The following CDK19 variants were observed in gnomAD, a reference collection of about 807,000 sequenced individuals.
The protein encoded by CDK19 is cyclin dependent kinase 19, also known as cyclin-dependent kinase 19.
In CDK19, 20 loss-of-function variants were observed where a neutral mutation model predicts 68.3. The ratio of observed to expected loss-of-function variants is 0.29; its 90% confidence interval spans 0.21 to 0.43. The LOEUF (loss-of-function observed/expected upper bound fraction) is 0.43, where lower values mean the gene tolerates loss of function less well. CDK19 is among the 20% of genes least tolerant of loss of function. The pLI, the probability that CDK19 is intolerant of heterozygous loss-of-function variation, is 1.00. For missense variants in CDK19, 339 were observed against 623.5 expected, an observed-to-expected ratio of 0.54 and a Z score of 4.86; for synonymous variants, 221 against 222.8, an observed-to-expected ratio of 0.99 and a Z score of 0.07.
At chr6:110,728,470 T>C (rs192281759) in intron 2 of CDK19, among the ~76,000 whole-genome samples, 3 of 152,138 alleles carry the variant, frequency 2.0e-5, no homozygotes, top group Admixed American at 2.0e-4. Context: ...TCCACTTCTG[T>C]CTATCTTCCC....
chr6:110,638,856 T>C, intron 4 of CDK19, 150 bp from the exon 5 acceptor site: 1 of 540,142 alleles, frequency 1.9e-6, no homozygotes, highest in South Asian at 2.6e-5. Context: ...AGTTAAAGCA[T>C]TTGACATAAT....
chr6:110,670,363 G>A (rs919304244), intron 3 of CDK19, 68 bp downstream of exon 3: 12 of 776,174 alleles, frequency 1.5e-5, no homozygotes, highest in Admixed American at 2.3e-5. Context: ...TTAACAATAT[G>A]TATTTTATAT....
At chr6:110,619,245 A>G (rs937126719) in intron 12 of CDK19, among the ~76,000 whole-genome samples, 1 of 152,222 alleles carries the variant, frequency 6.6e-6, no homozygotes, top group Non-Finnish European at 1.5e-5. Flanking sequence ...AAGCATTTCA[A>G]AGAATGTTTG....
intron 12 of CDK19, among the ~76,000 whole-genome samples, chr6:110,616,090 C>T (rs775852537): frequency 3.9e-5 from 6 of 152,164 alleles, no homozygotes; most frequent in Non-Finnish European, 8.8e-5. Context: ...TTTGAGGAGG[C>T]TGATAATAAA....
intron 6 of CDK19, among the ~76,000 whole-genome samples, chr6:110,631,612 T>C (rs1216625886): frequency 6.6e-6 from 1 of 152,240 alleles, no homozygotes; most frequent in East Asian, 1.9e-4. Context: ...GCTTCTTGCT[T>C]AGGAAACAAT....
intron 1 of CDK19, among the ~76,000 whole-genome samples, chr6:110,785,928 C>T (rs903800934): frequency 4.7e-5 from 7 of 150,454 alleles, no homozygotes; most frequent in Non-Finnish European, 8.8e-5. Context: ...TGTCGTGAGT[C>T]GAGATGAAGC....
At chr6:110,710,996 C>T (rs563924679) in intron 2 of CDK19, among the ~76,000 whole-genome samples, 23 of 152,176 alleles carry the variant, frequency 1.5e-4, no homozygotes, top group Non-Finnish European at 2.9e-5. Context: ...TAAGAGCTTA[C>T]AATCAGTTAT....
intron 5 of CDK19, among the ~76,000 whole-genome samples, chr6:110,636,225 G>C (rs1779768959): frequency 1.3e-5 from 2 of 152,206 alleles, no homozygotes. Context: ...TGGAGGATAA[G>C]TTACCACAAG....
chr6:110,754,816 T>G, intron 1 of CDK19, among the ~76,000 whole-genome samples: 1 of 152,092 alleles, frequency 6.6e-6, no homozygotes, highest in East Asian at 1.9e-4. Context: ...TATCTTACTT[T>G]GAGAATTCAT....
intron 2 of CDK19, among the ~76,000 whole-genome samples, chr6:110,681,494 T>C (rs1402383925): frequency 6.6e-6 from 1 of 152,204 alleles, no homozygotes; most frequent in Non-Finnish European, 1.5e-5. Flanking sequence ...AACAAATACA[T>C]ACACACACCA....
At chr6:110,638,839 T>C in intron 4 of CDK19, 133 bp from the exon 5 acceptor site, 1 of 589,652 alleles carries the variant, frequency 1.7e-6, no homozygotes, top group East Asian at 3.0e-5. Flanking sequence ...TTAAGCACCC[T>C]CTACATAGTT....
At chr6:110,787,881 C>T (rs2115057901) in intron 1 of CDK19, among the ~76,000 whole-genome samples, 1 of 152,230 alleles carries the variant, frequency 6.6e-6, no homozygotes, top group South Asian at 2.1e-4. Context: ...GCTCTGTTGC[C>T]CAGGCTGGAG....
At chr6:110,772,164 C>T (rs1583065438) in intron 1 of CDK19, among the ~76,000 whole-genome samples, 1 of 152,176 alleles carries the variant, frequency 6.6e-6, no homozygotes, top group African/African-American at 2.4e-5. Context: ...TTAATAAAGA[C>T]ATACCTGAGA....
intron 4 of CDK19, among the ~76,000 whole-genome samples, chr6:110,658,357 A>G (rs1466811691): frequency 6.6e-6 from 1 of 152,244 alleles, no homozygotes; most frequent in Non-Finnish European, 1.5e-5. Flanking sequence ...TCCAGGCCAT[A>G]CTTTGCTTTC....
chr6:110,623,146 G>C, intron 9 of CDK19, 144 bp downstream of exon 9: 1 of 691,158 alleles, frequency 1.4e-6, no homozygotes, highest in Non-Finnish European at 2.5e-6. Flanking sequence ...TGAAAGACAG[G>C]GTGACATCTC....
chr6:110,811,000 G>A (rs540619398), intron 1 of CDK19, among the ~76,000 whole-genome samples: 1 of 152,198 alleles, frequency 6.6e-6, no homozygotes, highest in South Asian at 2.1e-4. Context: ...TATTAGGAAG[G>A]AAAATGCAAG....
intron 1 of CDK19, among the ~76,000 whole-genome samples, chr6:110,752,431 G>GA (rs1778533660): frequency 6.6e-6 from 1 of 152,040 alleles, no homozygotes; most frequent in Admixed American, 6.6e-5. Context: ...AAGTAATTCT[G>GA]AAACATTTAA....
intron 2 of CDK19, among the ~76,000 whole-genome samples, chr6:110,725,177 C>G (rs1776232622): frequency 6.6e-6 from 1 of 152,108 alleles, no homozygotes; most frequent in African/African-American, 2.4e-5. Context: ...TCTTATGGCT[C>G]TGTAGCTTTC....
intron 4 of CDK19, among the ~76,000 whole-genome samples, chr6:110,659,820 T>C (rs1242186598): frequency 2.0e-5 from 3 of 152,156 alleles, no homozygotes; most frequent in Admixed American, 2.0e-4. Flanking sequence ...AAGAGATAAC[T>C]AGTACATTAT....
Sources: allele counts gnomAD v4.1 joint callset (sites outside exome capture counted in the v4.1 genomes callset), GRCh38; gene constraint gnomAD v4.1.1; transcripts MANE v1.5; gene names NCBI Gene and HGNC (gene_info 2026-07-23, HGNC 2026-07-21).